Variants in RASSF6 observed in about 807,000 individuals in gnomAD.
RASSF6 encodes ras association domain-containing protein 6.
Under a neutral mutation model 44.0 loss-of-function variants are expected in RASSF6, and 52 were observed. The observed-to-expected ratio is 1.18, with a 90% confidence interval of 0.95 to 1.49. The LOEUF (loss-of-function observed/expected upper bound fraction) is 1.49. Ranked by LOEUF, RASSF6 falls within the 40% of genes most tolerant of loss-of-function variation. The probability of loss-of-function intolerance (pLI) is 0.00; values close to 1 mark genes in which losing one functional copy is unlikely to be tolerated. For synonymous variants in RASSF6, 162 were observed against 124.6 expected, an observed-to-expected ratio of 1.30 and a Z score of -2.00; for missense variants, 464 against 393.3, an observed-to-expected ratio of 1.18 and a Z score of -1.52.
chr4:73,603,870 A>T (rs568440459), intron 2 of RASSF6, among the ~76,000 whole-genome samples: 88 of 152,314 alleles, frequency 5.8e-4, no homozygotes, highest in Middle Eastern at 6.8e-3. Context: ...TCTTGTTTTA[A>T]TAATGACTTA....
chr4:73,606,747 G>A (rs1235691896), intron 2 of RASSF6, among the ~76,000 whole-genome samples: 1 of 152,016 alleles, frequency 6.6e-6, no homozygotes, highest in Non-Finnish European at 1.5e-5. Context: ...CACCCTTTGT[G>A]TATGAACAGA....
In RASSF6 at chr4:73,572,869, A is replaced by T. The variant is rs1722987792; in HGVS notation, c.*3366T>A. 6.6e-6 allele frequency: 1 copy of T among 152,196 alleles called. No individual in the cohort carries two copies. The highest frequency in any genetic ancestry group is 1.5e-5 in the Non-Finnish European group (1 of 68,020). The allele number at this position is 152,196 out of a possible 1,614,324, so 9.4% of individuals were successfully genotyped here. A position where few individuals can be genotyped will look rare whatever the true frequency, so the allele number is the denominator to read the frequency against. ...TGAATCACTCATAATTCTACAATGCAGATATAGCCATTTTTAACATGTTTT... is the reference window on the plus strand; with the variant it reads ...TGAATCACTCATAATTCTACAATGCTGATATAGCCATTTTTAACATGTTTT... On this transcript the variant is annotated 3_prime_UTR_variant, in exon 11 of 11. Transcript: ENST00000307439.
chr4:73,581,247 G>T (rs1399388644), intron 8 of RASSF6, among the ~76,000 whole-genome samples: 1 of 151,996 alleles, frequency 6.6e-6, no homozygotes, highest in Non-Finnish European at 1.5e-5. Flanking sequence ...TTTCATTTCA[G>T]TATCACTTTA....
At chr4:73,593,227 G>C (rs887601235) in intron 4 of RASSF6, among the ~76,000 whole-genome samples, 2 of 152,062 alleles carry the variant, frequency 1.3e-5, no homozygotes, top group African/African-American at 4.8e-5. Context: ...TGTTGGCCAG[G>C]CTGGTCTCGA....
chr4:73,575,204 T>C lies in RASSF6; in HGVS notation c.*1031A>G, dbSNP rs1362414804. On this transcript the variant is annotated 3_prime_UTR_variant, in exon 11 of 11. Coordinates refer to ENST00000307439, the MANE Select transcript of RASSF6 (RefSeq NM_177532.5). ...TTATGAGGAATGCAAATGGAATTAG[T>C]TTACAGAATGAAAGAATGTTGCATA... The C allele has an allele frequency of 6.6e-6, 1 of 152,218 alleles. No individual in the cohort carries two copies. The highest frequency in any genetic ancestry group is 2.4e-5 in the African/African-American group (1 of 41,456). 9.4% of individuals were successfully genotyped at this position (152,218 alleles called of 1,614,324 possible). A position where few individuals can be genotyped will look rare whatever the true frequency, so the allele number is the denominator to read the frequency against.
chr4:73,594,019 A>T (rs188725155), intron 3 of RASSF6, among the ~76,000 whole-genome samples: 1 of 152,368 alleles, frequency 6.6e-6, no homozygotes, highest in Admixed American at 6.5e-5. Flanking sequence ...AACAGAAAAA[A>T]ATTTAACTCA....
intron 1 of RASSF6, among the ~76,000 whole-genome samples, chr4:73,615,434 G>A (rs974434859): frequency 6.6e-6 from 1 of 152,070 alleles, no homozygotes; most frequent in African/African-American, 2.4e-5. Flanking sequence ...TAGCAACGAG[G>A]GAGAGAATTT....
intron 2 of RASSF6, among the ~76,000 whole-genome samples, chr4:73,601,152 T>C (rs1007675974): frequency 8.5e-5 from 13 of 152,344 alleles, no homozygotes; most frequent in African/African-American, 2.9e-4. Context: ...CAGGATCATG[T>C]GCAGTTGGAA....
chr4:73,604,745 A>G (rs1026815190), intron 2 of RASSF6, among the ~76,000 whole-genome samples: 5 of 152,244 alleles, frequency 3.3e-5, no homozygotes, highest in African/African-American at 1.2e-4. Context: ...GTTTTATAAA[A>G]TAACTACAAA....
intron 6 of RASSF6, among the ~76,000 whole-genome samples, chr4:73,584,068 T>C (rs548992801): frequency 6.6e-6 from 1 of 152,162 alleles, no homozygotes; most frequent in South Asian, 2.1e-4. Context: ...AACAGGACAA[T>C]TGGTAGGTAC....
rs775479996 is a variant in RASSF6, at chr4:73,593,560, G to T, written c.178C>A (p.Leu60Met). The change falls in exon 4 of 11, where the codon CTG becomes ATG. Residue 60 changes from leucine to methionine, a missense_variant. Coordinates refer to ENST00000307439, the MANE Select transcript of RASSF6 (RefSeq NM_177532.5). ...CGTTTTACTCCCCAGAAAATGTCCA[G>T]CATTCCTTCAACAATTAGTTTGCCA... Reference protein sequence around the residue: ...EDGKLIVEGMLDIFWGVKRPI... With the variant: ...EDGKLIVEGMMDIFWGVKRPI... 6.2e-7 allele frequency: 1 copy of T among 1,613,314 alleles called. No individual in the cohort carries two copies. The highest frequency in any genetic ancestry group is 1.7e-5 in the Admixed American group (1 of 59,876).
chr4:73,602,164 T>G (rs1339846898), intron 2 of RASSF6, among the ~76,000 whole-genome samples: 1 of 152,210 alleles, frequency 6.6e-6, no homozygotes, highest in Admixed American at 6.5e-5. Flanking sequence ...GAGCAATGAA[T>G]GAGCCCCGTG....
chr4:73,612,480 T>TTTTCC (rs755419130), intron 1 of RASSF6, among the ~76,000 whole-genome samples: 4 of 63,248 alleles, frequency 6.3e-5, no homozygotes, highest in African/African-American at 2.3e-4. Flanking sequence ...TTCAGTTTTC[T>TTTTCC]TTTTTTTTTT....
intron 6 of RASSF6, among the ~76,000 whole-genome samples, chr4:73,584,959 C>A (rs1271076958): frequency 1.3e-5 from 2 of 151,974 alleles, no homozygotes; most frequent in Admixed American, 6.6e-5. Flanking sequence ...AATAATGGTA[C>A]CTATTTCATA....
rs1723159409 is a variant in RASSF6, at chr4:73,575,589, C to G, written c.*646G>C. The G allele has an allele frequency of 6.6e-6, 1 of 152,002 alleles. No individual in the cohort carries two copies. The highest frequency in any genetic ancestry group is 2.4e-5 in the African/African-American group (1 of 41,386). 9.4% of individuals were successfully genotyped at this position (152,002 alleles called of 1,614,324 possible). A position where few individuals can be genotyped will look rare whatever the true frequency, so the allele number is the denominator to read the frequency against. On this transcript the variant is annotated 3_prime_UTR_variant, in exon 11 of 11. Coordinates refer to ENST00000307439, the MANE Select transcript of RASSF6 (RefSeq NM_177532.5). ...GAAAAGCTTTGAACTGATGAAAGGT[C>G]TTTCATCAGCAGAAGAGAGAGAATA...
chr4:73,615,738 G>A (rs1056911067), intron 1 of RASSF6, among the ~76,000 whole-genome samples: 7 of 152,244 alleles, frequency 4.6e-5, no homozygotes, highest in East Asian at 1.9e-4. Flanking sequence ...TAGAAGTATA[G>A]GAGAGGTAGA....
At chr4:73,582,384 T>A in intron 6 of RASSF6, 94 bp from the exon 7 acceptor site, 1 of 522,054 alleles carries the variant, frequency 1.9e-6, no homozygotes, top group East Asian at 3.3e-5. Context: ...GCAAAAAAAA[T>A]CCAAGGTCAT....
intron 1 of RASSF6, 88 bp downstream of exon 1, chr4:73,620,198 TGC>T (rs1299874590): frequency 1.3e-6 from 1 of 790,876 alleles, no homozygotes; most frequent in Non-Finnish European, 1.8e-6. Flanking sequence ...TTAACTTTGT[TGC>T]CTATGGATTC....
rs1269567442 is a variant in RASSF6, at chr4:73,581,847, A to C, written c.691T>G (p.Phe231Val). ...GTTGCAAAAATAATGTGAAGAGCAAAATCCTGGGGACTATTTTCAATCTGT... is the reference window on the plus strand; with the variant it reads ...GTTGCAAAAATAATGTGAAGAGCAACATCCTGGGGACTATTTTCAATCTGT... The part of the protein sequence containing the change: ...KFKIENSPQD[F>V]ALHIIFATGE... The change falls in exon 8 of 11, where the codon TTT (phenylalanine) becomes GTT (valine). Residue 231 changes from phenylalanine to valine, a missense_variant. Coordinates refer to ENST00000307439, the MANE Select transcript of RASSF6 (RefSeq NM_177532.5). 1 of 1,610,022 alleles carries C rather than the reference A, an allele frequency of 6.2e-7. No individual in the cohort carries two copies. The highest frequency in any genetic ancestry group is 8.5e-7 in the Non-Finnish European group (1 of 1,176,980).
Sources: allele counts gnomAD v4.1 joint callset (sites outside exome capture counted in the v4.1 genomes callset), GRCh38; gene constraint gnomAD v4.1.1; transcripts MANE v1.5; gene names NCBI Gene and HGNC (gene_info 2026-07-23, HGNC 2026-07-21).